The following VTCN1 variants were observed in gnomAD, a reference collection of about 807,000 sequenced individuals.
The protein encoded by VTCN1 is V-set domain-containing T-cell activation inhibitor 1.
A neutral mutation model predicts 26.5 loss-of-function variants in VTCN1; 26 were observed. The observed-to-expected ratio is 0.98, with a 90% CI of 0.72 to 1.36. The LOEUF (loss-of-function observed/expected upper bound fraction) is 1.36. Among genes scored for constraint, VTCN1 ranks in the 40% most tolerant of loss-of-function variants. The probability of loss-of-function intolerance (pLI) is 0.00; values close to 1 mark genes in which losing one functional copy is unlikely to be tolerated. For missense variants in VTCN1, 298 were observed against 337.7 expected (o/e 0.88, Z 0.92); for synonymous variants, 116 against 130.7 (o/e 0.89, Z 0.77).
chr1:117,173,608 A>G (rs1029128136), intron 1 of VTCN1, among the ~76,000 whole-genome samples: 1 of 152,268 alleles, frequency 6.6e-6, no homozygotes, highest in African/African-American at 2.4e-5. Context: ...ACTTTGTTAC[A>G]ACAGCACTAG....
intron 1 of VTCN1, among the ~76,000 whole-genome samples, chr1:117,186,179 A>C (rs1264170786): frequency 2.6e-5 from 4 of 152,232 alleles, no homozygotes; most frequent in African/African-American, 9.6e-5. Context: ...ATTTCCAGGC[A>C]TGAGAGATCT....
intron 4 of VTCN1, among the ~76,000 whole-genome samples, chr1:117,149,181 T>C (rs1337556390): frequency 6.6e-6 from 1 of 152,162 alleles, no homozygotes; most frequent in Non-Finnish European, 1.5e-5. Flanking sequence ...ATGCTGGCTA[T>C]TGTGCTAAGC....
chr1:117,156,184 T>A (rs573505210), intron 3 of VTCN1, among the ~76,000 whole-genome samples: 2 of 152,238 alleles, frequency 1.3e-5, no homozygotes, highest in Non-Finnish European at 2.9e-5. Context: ...ACTTCTAAAA[T>A]GCACTCACTG....
At chr1:117,153,480 T>TTTA in intron 3 of VTCN1, 111 bp from the exon 4 acceptor site, 1 of 1,146,766 alleles carries the variant, frequency 8.7e-7, no homozygotes, top group Non-Finnish European at 1.2e-6. Context: ...TTTTTTTTTT[T>TTTA]ATCATTGAAG....
intron 2 of VTCN1, among the ~76,000 whole-genome samples, chr1:117,166,006 T>C (rs1230943623): frequency 1.3e-5 from 2 of 152,142 alleles, no homozygotes; most frequent in Non-Finnish European, 1.5e-5. Flanking sequence ...CCCTGTGAAA[T>C]GGGAAGGAGG....
intron 2 of VTCN1, among the ~76,000 whole-genome samples, chr1:117,162,452 T>G (rs1221637698): frequency 6.6e-6 from 1 of 152,146 alleles, no homozygotes; most frequent in Non-Finnish European, 1.5e-5. Flanking sequence ...TCTTTTTTTT[T>G]TATTTTTTGG....
Position 117,147,780 on chromosome 1 carries a change from A to C in VTCN1, c.727T>G (p.Ser243Ala), listed in dbSNP as rs894939041. The change falls in exon 5 of 6, where the codon TCG becomes GCG. Residue 243 changes from serine (S) to alanine (A), a missense_variant and splice_region_variant. Ser to Ala is a moderately conservative substitution (Grantham distance 99). Transcript: ENST00000369458. The surrounding 1 kb of genome is among the most constrained non-coding windows in gnomAD (Gnocchi z 4.6). ...KATGDIKVTE[S>A]EIKRRSHLQL... is the part of the protein sequence containing the mutation. ...AGGTGACTCCGCCTTTTGATCTCCG[A>C]TTCTGTGAAGTGAGAGAAAAAGTTT... 8 of 1,613,388 alleles carry C rather than the reference A, an allele frequency of 5.0e-6. No homozygotes were observed. Among genetic ancestry groups the C allele is most frequent in the Non-Finnish European group, 6.8e-6 (8 of 1,179,742 alleles).
At chr1:117,177,031 G>A (rs1479643123) in intron 1 of VTCN1, among the ~76,000 whole-genome samples, 2 of 152,106 alleles carry the variant, frequency 1.3e-5, no homozygotes, top group Non-Finnish European at 2.9e-5. Flanking sequence ...CCCAGGAGGC[G>A]AAGGCTGCTG....
chr1:117,153,825 C>T lies in VTCN1; in HGVS notation c.446-456G>A, dbSNP rs111332146. ...AGAAACAAACAGCATTCATCTATCA[C>T]CCACAGAAATTCCATTCACAAGCTT... is the stretch of plus-strand genomic sequence containing the variant. On this transcript the variant is annotated intron_variant, in intron 3 of 5. Transcript: ENST00000369458. Among the ~76,000 whole-genome samples the T allele has an allele frequency of 4.0e-3, 613 of 152,274 alleles. 7 individuals carry two copies. Among genetic ancestry groups the T allele is most frequent in the African/African-American group, 0.014 (592 of 41,550 alleles).
chr1:117,200,717 GC>G lies in VTCN1; in HGVS notation c.32+10106del, dbSNP rs369549368. Among the ~76,000 whole-genome samples the G allele has an allele frequency of 7.2e-5, 11 of 152,282 alleles. No individual in the cohort carries two copies. The East Asian group carries it at 1.2e-3, about 16-fold the overall frequency. ...CAACACTATTTACAAATGATGGTTAGCTTTTCCAGCAAGGCCCTAGATGTCT... is the reference window on the plus strand; with the variant it reads ...CAACACTATTTACAAATGATGGTTAGTTTTCCAGCAAGGCCCTAGATGTCT... On this transcript the variant is annotated intron_variant, in intron 1 of 5. Transcript: ENST00000369458.
chr1:117,184,149 A>T (rs1647815397), intron 1 of VTCN1, among the ~76,000 whole-genome samples: 1 of 151,990 alleles, frequency 6.6e-6, no homozygotes, highest in Non-Finnish European at 1.5e-5. Context: ...GGGAATATAT[A>T]TTTTTTTCTT....
At chr1:117,163,085 G>A (rs1652451143) in intron 2 of VTCN1, among the ~76,000 whole-genome samples, 1 of 152,218 alleles carries the variant, frequency 6.6e-6, no homozygotes, top group African/African-American at 2.4e-5. Flanking sequence ...TTAACCTTGG[G>A]GTCAAACCTG....
intron 3 of VTCN1, 26 bp from the exon 4 acceptor site, chr1:117,153,395 C>G (rs771451554): frequency 2.5e-6 from 4 of 1,583,648 alleles, no homozygotes; most frequent in Non-Finnish European, 3.4e-6. Context: ...TCAGAAAGGG[C>G]AGATGCCAAA....
intron 1 of VTCN1, among the ~76,000 whole-genome samples, chr1:117,210,212 T>TCAGCAGCAG (rs71582595): frequency 0.053 from 7,936 of 150,198 alleles, 321 homozygotes; most frequent in East Asian, 0.1. Flanking sequence ...TCTGGGGAGT[T>TCAGCAGCAG]CAGCAGCAGC....
chr1:117,191,651 A>G (rs1648250240), intron 1 of VTCN1, among the ~76,000 whole-genome samples: 1 of 152,166 alleles, frequency 6.6e-6, no homozygotes, highest in South Asian at 2.1e-4. Flanking sequence ...GCATGGTGGC[A>G]CATGCCTGTA....
Position 117,175,771 on chromosome 1 carries a change from C to CTT in VTCN1, c.33-5601_33-5600insAA, listed in dbSNP as rs1255721340. Among the ~76,000 whole-genome samples the CTT allele has an allele frequency of 1.9e-3, 167 of 87,346 alleles. 1 individual carries two copies. The highest frequency in any genetic ancestry group is 3.7e-3 in the African/African-American group (103 of 27,706). The allele number at this position is 87,346 out of a possible 152,430, so 57.3% of individuals were successfully genotyped here. On this transcript the variant is annotated intron_variant, in intron 1 of 5. Coordinates refer to ENST00000369458, the MANE Select transcript of VTCN1 (RefSeq NM_024626.4). This position sits in a 1 kb window ranked among gnomAD's most constrained non-coding sequence, Gnocchi z 4.2. ...GAGATACCTATCTCTCTCTCTCTCT[C>CTT]TCTTTTTTTTTTTTTTTGAGATGGA...
chr1:117,156,714 G>T lies in VTCN1; in HGVS notation c.305C>A (p.Ala102Glu). ...AACTATCACTTGATCAGCAAACACT[G>T]CTGTCCGGCCTCTGAACATTTCATC... Reference protein sequence around the residue: ...EQDEMFRGRTAVFADQVIVGN... With the variant: ...EQDEMFRGRTEVFADQVIVGN... Residue 102 changes from alanine (A) to glutamate (E), a missense_variant, in exon 3 of 6, where the codon GCA (alanine) becomes GAA (glutamate). Coordinates refer to ENST00000369458, the MANE Select transcript of VTCN1 (RefSeq NM_024626.4). The T allele has an allele frequency of 6.2e-7, 1 of 1,614,130 alleles. No homozygotes were observed. The highest frequency in any genetic ancestry group is 1.1e-5 in the South Asian group (1 of 91,082).
In VTCN1 at chr1:117,151,408, G is replaced by C. The variant is rs148208300; in HGVS notation, c.724+1683C>G. On this transcript the variant is annotated intron_variant, in intron 4 of 5. Transcript: ENST00000369458. The stretch of plus-strand genomic sequence containing the variant: ...GTGTGGACCCAAAGAGTGAGCAGCA[G>C]CAAGATTTATTGTGAACAGCAAAAC... 8.0e-3 allele frequency among the ~76,000 whole-genome samples: 1,216 copies of C among 152,256 alleles called. 6 individuals carry two copies. Among genetic ancestry groups the C allele is most frequent in the Middle Eastern group, 0.02 (6 of 294 alleles).
chr1:117,184,183 G>A (rs1209845959), intron 1 of VTCN1, among the ~76,000 whole-genome samples: 1 of 152,164 alleles, frequency 6.6e-6, no homozygotes, highest in Non-Finnish European at 1.5e-5. Flanking sequence ...GACCAAGTGA[G>A]GTTGTTGCCT....
Sources: allele counts gnomAD v4.1 joint callset (sites outside exome capture counted in the v4.1 genomes callset), GRCh38; gene constraint gnomAD v4.1.1; non-coding constraint Gnocchi (gnomAD v3.1); transcripts MANE v1.5; gene names NCBI Gene and HGNC (gene_info 2026-07-23, HGNC 2026-07-21).